The following DHX35 variants were observed in gnomAD, a reference collection of about 807,000 sequenced individuals.
DHX35 encodes the protein DEAH-box helicase 35.
A neutral mutation model predicts 99.6 loss-of-function variants in DHX35; 84 were observed. The observed-to-expected ratio is 0.84, with a 90% CI of 0.71 to 1.01. The LOEUF (loss-of-function observed/expected upper bound fraction) is 1.01, where lower values mean the gene tolerates loss of function less well. Ranked by LOEUF, DHX35 falls within the 50% of genes least tolerant of loss-of-function variation. The pLI is 0.00. For missense variants in DHX35, 852 were observed against 888.5 expected, an observed-to-expected ratio of 0.96 and a Z score of 0.52; for synonymous variants, 331 against 316.2, an observed-to-expected ratio of 1.05 and a Z score of -0.50.
chr20:38,991,566 T>A (rs747037137), intron 6 of DHX35, 51 bp downstream of exon 6: 2 of 1,540,616 alleles, frequency 1.3e-6, no homozygotes, highest in Non-Finnish European at 1.8e-6. Context: ...AGTCCCCAGG[T>A]AGACGGAGAA....
chr20:39,036,444 G>A (rs1285090935), intron 21 of DHX35, among the ~76,000 whole-genome samples: 6 of 151,980 alleles, frequency 3.9e-5, no homozygotes, highest in Admixed American at 6.6e-5. Flanking sequence ...CACCTAGTGC[G>A]GCCGAGCACG....
At chr20:39,003,021 C>G (rs936263645) in intron 10 of DHX35, among the ~76,000 whole-genome samples, 153 bp downstream of exon 10, 2 of 152,210 alleles carry the variant, frequency 1.3e-5, no homozygotes, top group African/African-American at 4.8e-5. Context: ...TGTCATTCAT[C>G]TACCATCTAG....
At chr20:39,016,115 G>T (rs1442711933) in intron 14 of DHX35, among the ~76,000 whole-genome samples, 1 of 152,194 alleles carries the variant, frequency 6.6e-6, no homozygotes, top group Non-Finnish European at 1.5e-5. Flanking sequence ...TTTGAGGAGG[G>T]CCTCAGCCTG....
chr20:38,969,282 A>G (rs919433576), intron 2 of DHX35, 68 bp downstream of exon 2: 1 of 1,494,750 alleles, frequency 6.7e-7, no homozygotes, highest in African/African-American at 1.4e-5. Flanking sequence ...TATGCTCAGC[A>G]CTGAAGGGAA....
chr20:38,992,347 G>T lies in DHX35; in HGVS notation c.513-9G>T. ...AGAGGCTCACTGAGAGCTTCTCTTT[G>T]ATTCTTAGTGTCATCATGCTGGATG... On this transcript the variant is annotated splice_polypyrimidine_tract_variant and intron_variant, in intron 6 of 21. Coordinates refer to ENST00000252011, the MANE Select transcript of DHX35 (RefSeq NM_021931.4). 1 of 1,613,716 alleles carries T rather than the reference G, an allele frequency of 6.2e-7. No individual in the cohort carries two copies. Among genetic ancestry groups the T allele is most frequent in the South Asian group, 1.1e-5 (1 of 91,046 alleles).
At chr20:39,026,649 G>A in intron 18 of DHX35, among the ~76,000 whole-genome samples, 1 of 152,162 alleles carries the variant, frequency 6.6e-6, no homozygotes, top group East Asian at 1.9e-4. Flanking sequence ...TTGGGGTCTG[G>A]TTGAATTAGA....
At chr20:38,993,774 G>C (rs1470924644) in intron 7 of DHX35, among the ~76,000 whole-genome samples, 1 of 151,920 alleles carries the variant, frequency 6.6e-6, no homozygotes, top group Non-Finnish European at 1.5e-5. Flanking sequence ...TACAAATAAG[G>C]AAAGTTTTCA....
At chr20:38,990,221 T>G (rs1399901051) in intron 5 of DHX35, among the ~76,000 whole-genome samples, 1 of 152,228 alleles carries the variant, frequency 6.6e-6, no homozygotes. Flanking sequence ...TGATTTGTCA[T>G]TGGTGGAAGT....
chr20:39,035,367 C>T (rs2145953553), intron 21 of DHX35, among the ~76,000 whole-genome samples: 1 of 152,344 alleles, frequency 6.6e-6, no homozygotes, highest in African/African-American at 2.4e-5. Flanking sequence ...CCACCACGCC[C>T]AGCTCCTTTT....
Position 39,025,363 on chromosome 20 carries a change from A to G in DHX35, c.1801+4A>G, listed in dbSNP as rs370903361. ...GTGCCCAGGAAGTCTAGTGAAGGTG[A>G]GAAGAAACCGTCCCAGCTGGTGACC... is the stretch of plus-strand genomic sequence containing the variant. On this transcript the variant is annotated splice_donor_region_variant and intron_variant, in intron 18 of 21. Coordinates refer to ENST00000252011, the MANE Select transcript of DHX35 (RefSeq NM_021931.4). The G allele has an allele frequency of 8.7e-6, 14 of 1,612,634 alleles. No homozygotes were observed. Among genetic ancestry groups the G allele is most frequent in the Non-Finnish European group, 8.5e-6 (10 of 1,179,328 alleles).
rs779248027 is a variant in DHX35 at position 38,993,836 on chromosome 20, T to C, written c.583-985T>C. ...AGGTACTGTATATTGTGATTTGTTA[T>C]GAAGCTTAAGTAAGATAGCAAAAAA... is the stretch of plus-strand genomic sequence containing the variant. On this transcript the variant is annotated intron_variant, in intron 7 of 21. Transcript: ENST00000252011. Among the ~76,000 whole-genome samples, 3 of 152,334 alleles carry C rather than the reference T, an allele frequency of 2.0e-5. No individual in the cohort carries two copies. In the South Asian group the frequency reaches 6.2e-4, roughly 32 times the overall value.
At chr20:39,010,037 A>C (rs2086675700) in intron 12 of DHX35, among the ~76,000 whole-genome samples, 1 of 152,242 alleles carries the variant, frequency 6.6e-6, no homozygotes, top group Non-Finnish European at 1.5e-5. Flanking sequence ...AAAAACATTA[A>C]AAAACAGAAT....
At chr20:38,990,499 A>G (rs901122513) in intron 5 of DHX35, among the ~76,000 whole-genome samples, 2 of 152,194 alleles carry the variant, frequency 1.3e-5, no homozygotes, top group Non-Finnish European at 2.9e-5. Flanking sequence ...AACGCTTTAC[A>G]TGTACAGTCA....
intron 21 of DHX35, among the ~76,000 whole-genome samples, chr20:39,037,570 T>C (rs910043435): frequency 2.0e-5 from 3 of 152,188 alleles, no homozygotes; most frequent in African/African-American, 7.2e-5. Context: ...CTTGATGTTG[T>C]GGGGCCATGT....
At chr20:39,014,984 G>C (rs750032284) in intron 14 of DHX35, 50 bp downstream of exon 14, 9 of 1,604,596 alleles carry the variant, frequency 5.6e-6, no homozygotes, top group Non-Finnish European at 7.7e-6. Flanking sequence ...TGTCTTTTGT[G>C]ATATTAGTGA....
At chr20:38,983,941 A>G (rs1235093181) in intron 4 of DHX35, among the ~76,000 whole-genome samples, 165 bp downstream of exon 4, 2 of 151,818 alleles carry the variant, frequency 1.3e-5, no homozygotes, top group African/African-American at 4.8e-5. Context: ...ACAGAGTCTC[A>G]CTCTGTTGCC....
intron 5 of DHX35, among the ~76,000 whole-genome samples, chr20:38,990,473 C>G (rs1221097999): frequency 6.6e-6 from 1 of 152,158 alleles, no homozygotes; most frequent in Non-Finnish European, 1.5e-5. Flanking sequence ...ACTACTCTGT[C>G]CTAGGTCCTA....
chr20:38,972,341 G>T (rs2086015128), intron 2 of DHX35, among the ~76,000 whole-genome samples: 1 of 152,148 alleles, frequency 6.6e-6, no homozygotes, highest in Non-Finnish European at 1.5e-5. Context: ...AATGTAAAGG[G>T]CGTATGCATT....
chr20:39,000,409 G>A (rs905481576), intron 8 of DHX35, among the ~76,000 whole-genome samples: 1 of 152,158 alleles, frequency 6.6e-6, no homozygotes, highest in Non-Finnish European at 1.5e-5. Flanking sequence ...TAGTGTACCT[G>A]TGCTGTGCAT....
Sources: allele counts gnomAD v4.1 joint callset (sites outside exome capture counted in the v4.1 genomes callset), GRCh38; gene constraint gnomAD v4.1.1; transcripts MANE v1.5; gene names NCBI Gene and HGNC (gene_info 2026-07-23, HGNC 2026-07-21).